HUWE1: variants seen among roughly 807,000 people sequenced by gnomAD.
HUWE1 encodes the protein E3 ubiquitin-protein ligase HUWE1.
A neutral mutation model predicts 299.4 loss-of-function variants in HUWE1; 18 were observed. The ratio of observed to expected loss-of-function variants is 0.06; its 90% CI spans 0.04 to 0.09. The LOEUF (loss-of-function observed/expected upper bound fraction) is 0.09. Ranked by LOEUF, HUWE1 falls within the 10% of genes least tolerant of loss-of-function variation. HUWE1 has a pLI of 1.00. For missense variants in HUWE1, 1,832 were observed against 3,462.3 expected, an observed-to-expected ratio of 0.53 and a Z score of 11.82; for synonymous variants, 1,317 against 1,286.1, an observed-to-expected ratio of 1.02 and a Z score of -0.51.
intron 46 of HUWE1, 59 bp from the exon 47 acceptor site, chrX:53,574,023 T>C: frequency 3.0e-6 from 3 of 1,008,498 alleles, no homozygotes; most frequent in Non-Finnish European, 4.2e-6. Context: ...CAAAATCAAG[T>C]CTTAGGTGGA....
In HUWE1 at chrX:53,539,714, T is replaced by C. The variant is rs2061255061; in HGVS notation, c.11575A>G (p.Met3859Val). 1 of 1,211,572 alleles carries C rather than the reference T, an allele frequency of 8.3e-7. No homozygotes were observed. Among genetic ancestry groups the C allele is most frequent in the Non-Finnish European group, 1.1e-6 (1 of 895,198 alleles). Residue 3859 changes from methionine to valine, a missense_variant, in exon 75 of 84, where the codon ATG becomes GTG. Physicochemically the swap from Met to Val is conservative, Grantham distance 21 (BLOSUM62 1). This residue lies in a region of HUWE1 where 129 missense variants were observed against 439.4 expected (regional missense o/e 0.29). Transcript: ENST00000262854. ...EQLSLDELWDMLGECLKELEE... is the reference protein window; with the variant it reads ...EQLSLDELWDVLGECLKELEE... ...AGTTCCTTTAGACACTCCCCAAGCA[T>C]GTCCCACAGCTCGTCCAAACTCAGC...
chrX:53,547,965 G>C lies in HUWE1; in HGVS notation c.10344C>G (p.Leu3448=). 1.7e-6 allele frequency: 2 copies of C among 1,211,327 alleles called. No homozygotes were observed. The highest frequency in any genetic ancestry group is 1.8e-5 in the South Asian group (1 of 56,880). Residue 3448 remains leucine, a synonymous_variant, in exon 68 of 84, where the codon CTC becomes CTG. Transcript: ENST00000262854. ...GGAGTCTGAGGAGTTTCTCAGTTAA[G>C]AGAGAGCTCCGGCGGATGACTGGGT... ...LSHPVIRRSS[L]LTEKLLRLLS...
chrX:53,617,568 C>T (rs1278714583), intron 19 of HUWE1, 122 bp from the exon 20 acceptor site: 1 of 510,206 alleles, frequency 2.0e-6, no homozygotes, highest in Non-Finnish European at 3.5e-6. Context: ...CTTGTGCTTA[C>T]TATGAAATTA....
chrX:53,577,079 TGA>T lies in HUWE1; in HGVS notation c.5717-14_5717-13del, dbSNP rs2063139162. Reference sequence around the variant, plus strand: ...TTCATCATCTGAAGCTAAGCCAAAATGAGAGAGAAAAACCAGTCAATCATGAA... The same window carrying T: ...TTCATCATCTGAAGCTAAGCCAAAATGAGAGAAAAACCAGTCAATCATGAA... On this transcript the variant is annotated splice_polypyrimidine_tract_variant and intron_variant, in intron 43 of 83. Transcript: ENST00000262854. The T allele has an allele frequency of 2.5e-6, 3 of 1,185,203 alleles. No homozygotes were observed. Among genetic ancestry groups the T allele is most frequent in the East Asian group, 5.9e-5 (2 of 33,743 alleles).
Position 53,555,831 on chromosome X carries a change from G to A in HUWE1, c.8207-911C>T, listed in dbSNP as rs988355458. On this transcript the variant is annotated intron_variant, in intron 60 of 83. Coordinates refer to ENST00000262854, the MANE Select transcript of HUWE1 (RefSeq NM_031407.7). ...TAATTTTTGTATTTTGAGTAGAGGC[G>A]GGGTTTCGCCGTGTTGGCCAGGTTG... Among the ~76,000 whole-genome samples the A allele has an allele frequency of 3.4e-4, 36 of 106,293 alleles. 1 individual carries two copies. The highest frequency in any genetic ancestry group is 1.5e-4 in the Non-Finnish European group (8 of 51,678). 92.3% of individuals were successfully genotyped at this position (106,293 alleles called of 115,157 possible). A position where few individuals can be genotyped will look rare whatever the true frequency, so the allele number is the denominator to read the frequency against.
chrX:53,555,823 G>C (rs1333752379), intron 60 of HUWE1, among the ~76,000 whole-genome samples: 2 of 108,117 alleles, frequency 1.8e-5, no homozygotes, highest in African/African-American at 3.4e-5. Context: ...TGTATTTTGA[G>C]TAGAGGCGGG....
At chrX:53,566,131 G>GTATATATA (rs782460583) in intron 49 of HUWE1, among the ~76,000 whole-genome samples, 5 of 55,495 alleles carry the variant, frequency 9.0e-5, no homozygotes, top group African/African-American at 2.4e-4. Context: ...GTGTGTGTGT[G>GTATATATA]TGTATATATA....
intron 49 of HUWE1, among the ~76,000 whole-genome samples, chrX:53,568,393 G>A (rs1487171192): frequency 9.0e-6 from 1 of 110,647 alleles, no homozygotes; most frequent in Admixed American, 9.6e-5. Context: ...GGAATACAGT[G>A]TCTACTTCTT....
intron 19 of HUWE1, among the ~76,000 whole-genome samples, chrX:53,620,527 T>C (rs1238011762): frequency 8.9e-6 from 1 of 111,766 alleles, no homozygotes; most frequent in Admixed American, 9.4e-5. Flanking sequence ...GGATTACAGG[T>C]GTGAGCCAGT....
At chrX:53,638,327 G>A (rs2067351379) in intron 7 of HUWE1, among the ~76,000 whole-genome samples, 1 of 110,920 alleles carries the variant, frequency 9.0e-6, no homozygotes, top group East Asian at 2.8e-4. Context: ...GGGACAGAGC[G>A]AGACTCCGTC....
chrX:53,534,327 G>T, intron 82 of HUWE1, 130 bp from the exon 83 acceptor site: 2 of 701,073 alleles, frequency 2.9e-6, no homozygotes, highest in Middle Eastern at 4.7e-4. Context: ...ATGAGCTTTA[G>T]CTCCTTTCAT....
chrX:53,556,640 C>T (rs1009827205), intron 60 of HUWE1, among the ~76,000 whole-genome samples: 12 of 111,428 alleles, frequency 1.1e-4, no homozygotes, highest in African/African-American at 3.9e-4. Flanking sequence ...AGGAAACATA[C>T]GGCAGTCATA....
chrX:53,650,019 G>A (rs1557038983), intron 4 of HUWE1, among the ~76,000 whole-genome samples: 1 of 111,740 alleles, frequency 8.9e-6, no homozygotes, highest in African/African-American at 3.3e-5. Flanking sequence ...AGCACAACAT[G>A]GCATCTTTAG....
At chrX:53,536,021 G>C in intron 80 of HUWE1, 126 bp downstream of exon 80, 1 of 458,812 alleles carries the variant, frequency 2.2e-6, no homozygotes, top group Non-Finnish European at 4.0e-6. Context: ...ACCTGCTACA[G>C]CTTTAAGAAG....
At chrX:53,558,606 T>C in intron 59 of HUWE1, 49 bp downstream of exon 59, 1 of 1,162,945 alleles carries the variant, frequency 8.6e-7, no homozygotes, top group Non-Finnish European at 1.2e-6. Flanking sequence ...CAAAACCACA[T>C]TACGGCAGAC....
At chrX:53,539,869 T>A in intron 74 of HUWE1, 57 bp from the exon 75 acceptor site, 1 of 1,104,928 alleles carries the variant, frequency 9.1e-7, no homozygotes. Context: ...TCTGCTTAGA[T>A]CTTTCTAGAC....
At chrX:53,555,736 G>A (rs1415024189) in intron 60 of HUWE1, among the ~76,000 whole-genome samples, 1 of 107,744 alleles carries the variant, frequency 9.3e-6, no homozygotes, top group African/African-American at 3.4e-5. Flanking sequence ...CCACTTCCTG[G>A]GTTCAAGCAA....
intron 3 of HUWE1, among the ~76,000 whole-genome samples, chrX:53,654,978 A>G (rs1393645426): frequency 1.8e-5 from 2 of 111,978 alleles, no homozygotes; most frequent in South Asian, 3.7e-4. Context: ...TATTCTGAGC[A>G]CAGAAAACAA....
chrX:53,591,185 A>C, intron 33 of HUWE1, 63 bp from the exon 34 acceptor site: 3 of 1,149,152 alleles, frequency 2.6e-6, no homozygotes, highest in Non-Finnish European at 3.5e-6. Context: ...TTTTAAAAGG[A>C]AGGAACCTTT....
Sources: allele counts gnomAD v4.1 joint callset (sites outside exome capture counted in the v4.1 genomes callset), GRCh38; gene constraint gnomAD v4.1.1; regional missense constraint gnomAD v4.1.1; transcripts MANE v1.5; gene names NCBI Gene and HGNC (gene_info 2026-07-23, HGNC 2026-07-21).